The following DOP1B variants were observed in gnomAD, a reference collection of about 807,000 sequenced individuals.
DOP1B encodes the protein protein DOP1B.
A neutral mutation model predicts 233.5 loss-of-function variants in DOP1B; 174 were observed. That is an observed-to-expected ratio of 0.75 (90% CI 0.66 to 0.85). The LOEUF is 0.85. Ranked by LOEUF, DOP1B falls within the 40% of genes least tolerant of loss-of-function variation. The pLI is 0.00. For missense variants in DOP1B, 2,652 were observed against 2,846.6 expected (o/e 0.93, Z 1.56); for synonymous variants, 1,190 against 1,185.6 (o/e 1.00, Z -0.08).
At chr21:36,209,529 G>A (rs1375237214) in intron 5 of DOP1B, among the ~76,000 whole-genome samples, 1 of 152,292 alleles carries the variant, frequency 6.6e-6, no homozygotes, top group Non-Finnish European at 1.5e-5. Flanking sequence ...GCATTGGCGG[G>A]TCTTTGTTTC....
At chr21:36,178,611 G>A (rs1317570631) in intron 2 of DOP1B, among the ~76,000 whole-genome samples, 1 of 152,068 alleles carries the variant, frequency 6.6e-6, no homozygotes, top group African/African-American at 2.4e-5. Context: ...TGTTTAAGCC[G>A]CCCACTCTGT....
At chr21:36,157,262 C>T (rs111430095) in intron 1 of DOP1B, among the ~76,000 whole-genome samples, 223 of 146,186 alleles carry the variant, frequency 1.5e-3, no homozygotes, top group Middle Eastern at 0.01. Flanking sequence ...CCGAGCGGGG[C>T]GGCAGGTGCA....
At chr21:36,199,273 G>C in intron 3 of DOP1B, 22 bp downstream of exon 3, 2 of 1,589,978 alleles carry the variant, frequency 1.3e-6, no homozygotes, top group Non-Finnish European at 1.7e-6. Flanking sequence ...TCTCTGCTGT[G>C]TTCCTTTTTA....
chr21:36,186,535 T>A (rs781268938), intron 2 of DOP1B, among the ~76,000 whole-genome samples: 8 of 152,188 alleles, frequency 5.3e-5, no homozygotes, highest in Non-Finnish European at 1.0e-4. Context: ...GGAAATAGAA[T>A]GAATACCCTG....
At chr21:36,157,919 AGTTG>A (rs1357399308) in intron 1 of DOP1B, among the ~76,000 whole-genome samples, 9 of 152,014 alleles carry the variant, frequency 5.9e-5, no homozygotes, top group Non-Finnish European at 1.3e-4. Context: ...GGGATCTGGC[AGTTG>A]GTTTTTCTCT....
At position 36,232,908 on chromosome 21, in the gene DOP1B, G is replaced by C; in HGVS notation, c.2455G>C (p.Glu819Gln). 1.2e-6 allele frequency: 2 copies of C among 1,614,044 alleles called. No individual in the cohort carries two copies. The highest frequency in any genetic ancestry group is 1.7e-6 in the Non-Finnish European group (2 of 1,180,006). ...GAACGTGGCCATTTCCACTCTGCTG[G>C]AAGTGATAAACCATTCCCAGTCCCT... is the stretch of plus-strand genomic sequence containing the variant. ...LQNVAISTLL[E>Q]VINHSQSLAL... Residue 819 changes from glutamate (E) to glutamine (Q), a missense_variant, in exon 15 of 37, where the codon GAA becomes CAA. By Grantham distance (29) the Glu-to-Gln change is conservative (BLOSUM62 2). Transcript: ENST00000691173.
chr21:36,166,555 C>G (rs1245669899), intron 2 of DOP1B, among the ~76,000 whole-genome samples: 1 of 152,092 alleles, frequency 6.6e-6, no homozygotes, highest in Non-Finnish European at 1.5e-5. Context: ...CTTTCTTTCC[C>G]AGAAAGAAAG....
rs1403961878 is a variant in DOP1B at position 36,210,968 on chromosome 21, G to A, written c.682-585G>A. Among the ~76,000 whole-genome samples the A allele has an allele frequency of 3.3e-5, 5 of 152,202 alleles. No homozygotes were observed. In the East Asian group the frequency reaches 9.6e-4, roughly 29 times the overall value. Reference sequence around the variant, plus strand: ...GACTGCCACAGGGCCTGGCCTCACAGTGCCTTTGCTCCCGGCTGTTCCCTT... The same window carrying A: ...GACTGCCACAGGGCCTGGCCTCACAATGCCTTTGCTCCCGGCTGTTCCCTT... On this transcript the variant is annotated intron_variant, in intron 5 of 36. Transcript: ENST00000691173.
intron 27 of DOP1B, among the ~76,000 whole-genome samples, chr21:36,270,773 G>A (rs1344445831): frequency 2.7e-5 from 4 of 150,780 alleles, no homozygotes; most frequent in African/African-American, 7.4e-5. Context: ...AATTAGCCGC[G>A]CGTGGTAGTG....
In DOP1B at chr21:36,197,740, T is replaced by C. The variant is rs189934831; in HGVS notation, c.139-1330T>C. ...GAAACGTGAACTTGGCCAGATGCAG[T>C]GGCTCACGGCTGTAATCCCAACAAT... On this transcript the variant is annotated intron_variant, in intron 2 of 36. Transcript: ENST00000691173. Among the ~76,000 whole-genome samples the C allele has an allele frequency of 2.9e-3, 448 of 152,322 alleles. 2 individuals carry two copies. Among genetic ancestry groups the C allele is most frequent in the African/African-American group, 0.01 (430 of 41,566 alleles).
intron 35 of DOP1B, among the ~76,000 whole-genome samples, chr21:36,291,192 C>T (rs556050239): frequency 6.6e-6 from 1 of 151,650 alleles, no homozygotes; most frequent in Non-Finnish European, 1.5e-5. Context: ...AAACCGAAGG[C>T]GGAGGTTGCA....
At chr21:36,248,922 T>A (rs1205426391) in intron 21 of DOP1B, among the ~76,000 whole-genome samples, 1 of 151,714 alleles carries the variant, frequency 6.6e-6, no homozygotes, top group Non-Finnish European at 1.5e-5. Flanking sequence ...CTGGCCAACA[T>A]GGTGAAACCC....
intron 2 of DOP1B, among the ~76,000 whole-genome samples, chr21:36,190,752 CAT>C (rs1412519232): frequency 6.6e-6 from 1 of 152,212 alleles, no homozygotes; most frequent in Non-Finnish European, 1.5e-5. Context: ...GAATATTTCT[CAT>C]ATGATACGTA....
intron 9 of DOP1B, among the ~76,000 whole-genome samples, chr21:36,218,145 CAT>C (rs1190800917): frequency 7.9e-5 from 12 of 152,212 alleles, no homozygotes; most frequent in African/African-American, 2.7e-4. Flanking sequence ...GGGCTTTAGC[CAT>C]ACCTCATTTC....
chr21:36,280,802 G>GACCATC (rs1401971368), intron 31 of DOP1B, among the ~76,000 whole-genome samples: 1 of 151,550 alleles, frequency 6.6e-6, no homozygotes, highest in Non-Finnish European at 1.5e-5. Flanking sequence ...AGGAGATCGA[G>GACCATC]ACCATCCTGG....
rs1474582657 is a variant in DOP1B at position 36,199,230 on chromosome 21, C to A, written c.299C>A (p.Ala100Asp). The A allele has an allele frequency of 6.2e-7, 1 of 1,613,772 alleles. No individual in the cohort carries two copies. Among genetic ancestry groups the A allele is most frequent in the Non-Finnish European group, 8.5e-7 (1 of 1,179,944 alleles). The change falls in exon 3 of 37, where the codon GCC becomes GAC. Residue 100 changes from alanine (A) to aspartate (D), a missense_variant. This residue lies in a region of DOP1B where 2,617 missense variants were observed against 2,794.3 expected (regional missense o/e 0.94). Coordinates refer to ENST00000691173, the MANE Select transcript of DOP1B (RefSeq NM_001320714.2). ...AAAATCGTGGGGACCAAATGGCTGG[C>A]CAAGGACTTGTTTCTGTACAGGTGC... ...IFKIVGTKWL[A>D]KDLFLYSCGL...
At chr21:36,196,040 A>G (rs2066287024) in intron 2 of DOP1B, among the ~76,000 whole-genome samples, 1 of 152,270 alleles carries the variant, frequency 6.6e-6, no homozygotes, top group Admixed American at 6.5e-5. Context: ...GCCTATACTC[A>G]AAAGAGCAGA....
intron 4 of DOP1B, among the ~76,000 whole-genome samples, chr21:36,202,131 G>A (rs545304259): frequency 7.9e-5 from 12 of 152,250 alleles, no homozygotes; most frequent in South Asian, 2.1e-4. Context: ...AGGTTGCAGC[G>A]AGCCGAGATT....
rs779571413 is a variant in DOP1B at position 36,278,059 on chromosome 21, G to A, written c.5797G>A (p.Val1933Ile). Residue 1933 changes from valine (V) to isoleucine (I), a missense_variant, in exon 29 of 37, where the codon GTT becomes ATT. Physicochemically the swap from Val to Ile is conservative, Grantham distance 29. Coordinates refer to ENST00000691173, the MANE Select transcript of DOP1B (RefSeq NM_001320714.2). Reference sequence around the variant, plus strand: ...GTTAATCTCCCGTCTGCTTTACTATGTTTTTCCATACTTACGCAACCACAG... The same window carrying A: ...GTTAATCTCCCGTCTGCTTTACTATATTTTTCCATACTTACGCAACCACAG... ...VPLISRLLYYVFPYLRNHSAY... is the reference protein window; with the variant it reads ...VPLISRLLYYIFPYLRNHSAY... The A allele has an allele frequency of 6.2e-7, 1 of 1,614,164 alleles. No homozygotes were observed. The highest frequency in any genetic ancestry group is 1.7e-5 in the Admixed American group (1 of 60,002).
Sources: gnomAD v4.1 joint callset for allele counts (sites outside exome capture counted in the v4.1 genomes callset) on GRCh38, gnomAD v4.1.1 for gene constraint, gnomAD v4.1.1 regional missense constraint, MANE v1.5 for transcripts, NCBI Gene and HGNC (gene_info 2026-07-23, HGNC 2026-07-21) for gene names.